CLASP2: variants seen among roughly 807,000 people sequenced by gnomAD.
CLASP2 encodes CLIP-associating protein 2.
In CLASP2, 47 loss-of-function variants were observed where a neutral mutation model predicts 194.4. The observed-to-expected ratio is 0.24, with a 90% confidence interval of 0.19 to 0.31. The LOEUF is 0.31. CLASP2 is among the 10% of genes least tolerant of loss of function. The pLI is 1.00. For missense variants in CLASP2, 1,445 were observed against 1,823.6 expected, an observed-to-expected ratio of 0.79 and a Z score of 3.78; for synonymous variants, 619 against 633.5, an observed-to-expected ratio of 0.98 and a Z score of 0.34.
At chr3:33,596,278 T>A (rs938790624) in intron 19 of CLASP2, among the ~76,000 whole-genome samples, 1 of 152,178 alleles carries the variant, frequency 6.6e-6, no homozygotes, top group Non-Finnish European at 1.5e-5. Context: ...CCTCTGTAAC[T>A]TGCATTTCAT....
intron 30 of CLASP2, among the ~76,000 whole-genome samples, chr3:33,548,898 T>C (rs1251680609): frequency 6.6e-6 from 1 of 151,194 alleles, no homozygotes; most frequent in Non-Finnish European, 1.5e-5. Context: ...CTCTTGAGTA[T>C]CTGGGACTAC....
At chr3:33,671,977 G>GGCCT (rs1258239434) in intron 6 of CLASP2, among the ~76,000 whole-genome samples, 1 of 152,208 alleles carries the variant, frequency 6.6e-6, no homozygotes, top group Non-Finnish European at 1.5e-5. Context: ...AGCTCAAGGA[G>GGCCT]GCCTGCCTGC....
intron 11 of CLASP2, 92 bp from the exon 12 acceptor site, chr3:33,619,830 CT>C: frequency 9.2e-7 from 1 of 1,084,450 alleles, no homozygotes; most frequent in Non-Finnish European, 1.2e-6. Flanking sequence ...ACTGAATTAA[CT>C]TAGGAATTTG....
chr3:33,596,265 C>A (rs935540574), intron 19 of CLASP2, among the ~76,000 whole-genome samples: 1 of 151,998 alleles, frequency 6.6e-6, no homozygotes, highest in Non-Finnish European at 1.5e-5. Context: ...CTTAAAAAGT[C>A]GGCCTCTGTA....
Position 33,516,983 on chromosome 3 carries a change from CT to C in CLASP2, c.3978del (p.Glu1327SerfsTer9). ...TGTTTACATATTTTGCCATTTACCT[CT>C]TTATCTCCAAGCGTTTCAAGCAATA... ...LLLLLETLGDKEPTIRALALK... is the reference protein window; with the variant it reads ...LLLLLETLGDXEPTIRALALK... On this transcript the variant is annotated frameshift_variant, in exon 35 of 39. Transcript: ENST00000682230. LOFTEE classifies it high-confidence loss of function. The C allele has an allele frequency of 6.2e-7, 1 of 1,612,346 alleles. No individual in the cohort carries two copies. Among genetic ancestry groups the C allele is most frequent in the Non-Finnish European group, 8.5e-7 (1 of 1,179,410 alleles).
intron 23 of CLASP2, among the ~76,000 whole-genome samples, chr3:33,581,015 C>CAAA (rs34304858): frequency 3.1e-4 from 18 of 57,560 alleles, no homozygotes; most frequent in East Asian, 5.3e-4. Flanking sequence ...GACTCCGTCT[C>CAAA]AAAAAAAAAA....
At chr3:33,623,953 G>A (rs1559429386) in intron 10 of CLASP2, among the ~76,000 whole-genome samples, 1 of 151,958 alleles carries the variant, frequency 6.6e-6, no homozygotes, top group African/African-American at 2.4e-5. Context: ...TTCCTCTAAG[G>A]TCTGGAATAA....
chr3:33,636,687 A>C (rs537240783), intron 8 of CLASP2, among the ~76,000 whole-genome samples: 2 of 152,164 alleles, frequency 1.3e-5, no homozygotes, highest in South Asian at 4.2e-4. Context: ...TGCAACCTCC[A>C]CCTCCTGGGT....
chr3:33,509,310 G>T (rs769501511), intron 37 of CLASP2, among the ~76,000 whole-genome samples: 1 of 152,072 alleles, frequency 6.6e-6, no homozygotes, highest in African/African-American at 2.4e-5. Flanking sequence ...TCCACCTCTC[G>T]GGTTCAAGCA....
At chr3:33,572,807 G>A (rs2064047504) in intron 25 of CLASP2, among the ~76,000 whole-genome samples, 1 of 150,562 alleles carries the variant, frequency 6.6e-6, no homozygotes, top group Non-Finnish European at 1.5e-5. Flanking sequence ...TTATCACTAT[G>A]TACTTTTTAT....
At chr3:33,507,145 C>T (rs1458992219) in intron 37 of CLASP2, among the ~76,000 whole-genome samples, 1 of 152,072 alleles carries the variant, frequency 6.6e-6, no homozygotes, top group East Asian at 1.9e-4. Context: ...TCACTATGGC[C>T]AGGCTGGTCT....
intron 12 of CLASP2, among the ~76,000 whole-genome samples, chr3:33,617,954 T>C (rs868263246): frequency 1.4e-5 from 2 of 145,694 alleles, no homozygotes; most frequent in African/African-American, 2.5e-5. Context: ...TATATATATT[T>C]TTTTTTTTTT....
chr3:33,661,845 G>A (rs2085357749), intron 7 of CLASP2, among the ~76,000 whole-genome samples: 1 of 152,178 alleles, frequency 6.6e-6, no homozygotes, highest in Admixed American at 6.5e-5. Context: ...AAACAGGGAA[G>A]AGGAGGCCTG....
At position 33,516,007 on chromosome 3, in the gene CLASP2, C is replaced by T. The variant is rs146674185; in HGVS notation, c.4110+16G>A. On this transcript the variant is annotated intron_variant, in intron 36 of 38. Transcript: ENST00000682230. The stretch of plus-strand genomic sequence containing the variant: ...ATAAAATAATGGAATAATACTTTAC[C>T]GGCCAGGTAACTTACCTCCTTATGA... 1.6e-3 allele frequency: 2,554 copies of T among 1,596,400 alleles called. 28 individuals carry two copies. The African/African-American group carries it at 0.031, about 19-fold the overall frequency.
At chr3:33,644,070 A>T (rs554053149) in intron 8 of CLASP2, among the ~76,000 whole-genome samples, 2 of 152,240 alleles carry the variant, frequency 1.3e-5, no homozygotes, top group South Asian at 4.1e-4. Context: ...TGTAGCAGAA[A>T]CTAACACCGG....
At chr3:33,578,298 T>C (rs1202634800) in intron 23 of CLASP2, among the ~76,000 whole-genome samples, 1 of 152,210 alleles carries the variant, frequency 6.6e-6, no homozygotes, top group Non-Finnish European at 1.5e-5. Context: ...AACCAAAATG[T>C]AGAAATTTGT....
At chr3:33,708,478 G>C (rs1487843046) in intron 1 of CLASP2, among the ~76,000 whole-genome samples, 1 of 70,242 alleles carries the variant, frequency 1.4e-5, no homozygotes, top group Non-Finnish European at 2.9e-5. Flanking sequence ...GTGGGTGTGT[G>C]TGTGTGTGTA....
intron 38 of CLASP2, among the ~76,000 whole-genome samples, chr3:33,500,785 C>CGGATT (rs1407235797): frequency 6.6e-6 from 1 of 152,086 alleles, no homozygotes; most frequent in African/African-American, 2.4e-5. Flanking sequence ...TAAGACAATC[C>CGGATT]TTAGGGTTTC....
chr3:33,643,261 AT>A (rs1317966307), intron 8 of CLASP2, among the ~76,000 whole-genome samples: 1 of 151,898 alleles, frequency 6.6e-6, no homozygotes, highest in Non-Finnish European at 1.5e-5. Flanking sequence ...AATCTCAAAT[AT>A]TCATCCATTT....
Sources: allele counts gnomAD v4.1 joint callset (sites outside exome capture counted in the v4.1 genomes callset), GRCh38; gene constraint gnomAD v4.1.1; transcripts MANE v1.5; gene names NCBI Gene and HGNC (gene_info 2026-07-23, HGNC 2026-07-21).